The following UBE2E2 variants were observed in gnomAD, a reference collection of about 807,000 sequenced individuals.
UBE2E2 encodes the protein ubiquitin-conjugating enzyme E2 E2.
A neutral mutation model predicts 24.7 loss-of-function variants in UBE2E2; 6 were observed. That is an observed-to-expected ratio of 0.24 (90% CI 0.13 to 0.48). The LOEUF is 0.48. UBE2E2 is among the 20% of genes least tolerant of loss of function. UBE2E2 has a pLI of 0.99. For missense variants in UBE2E2, 169 were observed against 245.0 expected (o/e 0.69, Z 2.07); for synonymous variants, 104 against 83.6 (o/e 1.24, Z -1.33).
At chr3:23,444,987 C>T (rs1393948271) in intron 3 of UBE2E2, among the ~76,000 whole-genome samples, 1 of 152,172 alleles carries the variant, frequency 6.6e-6, no homozygotes, top group East Asian at 1.9e-4. Context: ...ACCCTGCCAC[C>T]AACTCTTTTA....
chr3:23,401,467 T>C (rs889769039), intron 3 of UBE2E2, among the ~76,000 whole-genome samples: 1 of 152,160 alleles, frequency 6.6e-6, no homozygotes, highest in Non-Finnish European at 1.5e-5. Context: ...ATCCGTTTGC[T>C]CAAGATCACC....
chr3:23,383,636 T>TTTTTG (rs1553607117), intron 3 of UBE2E2, among the ~76,000 whole-genome samples: 2 of 152,068 alleles, frequency 1.3e-5, no homozygotes, highest in African/African-American at 2.4e-5. Context: ...ACTGAGGTTT[T>TTTTTG]TTTTGTTTTG....
chr3:23,326,672 T>C (rs1307009361), intron 3 of UBE2E2, among the ~76,000 whole-genome samples: 5 of 152,004 alleles, frequency 3.3e-5, no homozygotes, highest in Non-Finnish European at 5.9e-5. Context: ...AGGTTTTTTG[T>C]TTGTTTGTTT....
intron 3 of UBE2E2, among the ~76,000 whole-genome samples, chr3:23,233,918 T>G (rs11708040): frequency 0.16 from 24,110 of 152,194 alleles, 2,050 homozygotes; most frequent in South Asian, 0.26. Flanking sequence ...AATTCAGGGT[T>G]TAAATAGCTT....
chr3:23,371,720 TA>T (rs1696403424), intron 3 of UBE2E2, among the ~76,000 whole-genome samples: 1 of 152,168 alleles, frequency 6.6e-6, no homozygotes, highest in South Asian at 2.1e-4. Context: ...ACCTTCTGAA[TA>T]ATAATAGAGA....
chr3:23,446,340 A>G (rs1410007445), intron 3 of UBE2E2, among the ~76,000 whole-genome samples: 1 of 152,144 alleles, frequency 6.6e-6, no homozygotes, highest in Non-Finnish European at 1.5e-5. Context: ...CATAACCCTT[A>G]ATTTTTGTGA....
At chr3:23,389,992 C>A (rs1696895588) in intron 3 of UBE2E2, 1 of 152,194 alleles carries the variant, frequency 6.6e-6, no homozygotes, top group African/African-American at 2.4e-5. Context: ...AACCCCAGTT[C>A]CTCATTGATC....
chr3:23,349,618 A>G (rs1445091060), intron 3 of UBE2E2, among the ~76,000 whole-genome samples: 1 of 152,182 alleles, frequency 6.6e-6, no homozygotes, highest in Non-Finnish European at 1.5e-5. Flanking sequence ...CGCCCACGGA[A>G]TCTCGCTGAT....
At chr3:23,302,340 T>G (rs1699120987) in intron 3 of UBE2E2, among the ~76,000 whole-genome samples, 2 of 152,254 alleles carry the variant, frequency 1.3e-5, no homozygotes, top group African/African-American at 4.8e-5. Flanking sequence ...AAATAGTTAT[T>G]ACTACAAGTT....
chr3:23,420,671 C>T (rs1697773832), intron 3 of UBE2E2, among the ~76,000 whole-genome samples: 1 of 152,190 alleles, frequency 6.6e-6, no homozygotes, highest in South Asian at 2.1e-4. Flanking sequence ...TACACCAGAA[C>T]CACTTGTAAA....
At chr3:23,236,759 A>C (rs935048209) in intron 3 of UBE2E2, among the ~76,000 whole-genome samples, 16 of 151,936 alleles carry the variant, frequency 1.1e-4, no homozygotes, top group African/African-American at 3.4e-4. Flanking sequence ...GCCTAAGTGT[A>C]CTCTTAAACA....
chr3:23,425,897 A>G (rs940858338), intron 3 of UBE2E2, among the ~76,000 whole-genome samples: 3 of 152,200 alleles, frequency 2.0e-5, no homozygotes, highest in African/African-American at 4.8e-5. Context: ...AAGAGACAGA[A>G]CAAGCAACAG....
chr3:23,325,774 G>A (rs1016383276), intron 3 of UBE2E2, among the ~76,000 whole-genome samples: 1 of 152,184 alleles, frequency 6.6e-6, no homozygotes, highest in Admixed American at 6.5e-5. Flanking sequence ...CTGACCTTCG[G>A]TCTAGTAGAG....
At chr3:23,588,411 T>G (rs56107888) in intron 5 of UBE2E2, among the ~76,000 whole-genome samples, 153 of 41,924 alleles carry the variant, frequency 3.6e-3, no homozygotes, top group African/African-American at 0.015. Context: ...TGTTTTTTTG[T>G]TTTTTTTTTT....
At chr3:23,310,722 A>G (rs1575552074) in intron 3 of UBE2E2, among the ~76,000 whole-genome samples, 1 of 152,168 alleles carries the variant, frequency 6.6e-6, no homozygotes, top group African/African-American at 2.4e-5. Flanking sequence ...CCCTGTCTCT[A>G]TAAAAGTACG....
chr3:23,364,175 G>T (rs1447036145), intron 3 of UBE2E2, among the ~76,000 whole-genome samples: 1 of 151,918 alleles, frequency 6.6e-6, no homozygotes, highest in Non-Finnish European at 1.5e-5. Flanking sequence ...AAAGTTAAAA[G>T]TTAAAAGGAT....
Position 23,208,773 on chromosome 3 carries a change from A to G in UBE2E2, c.74A>G (p.Glu25Gly), listed in dbSNP as rs772113054. 2 of 1,613,896 alleles carry G rather than the reference A, an allele frequency of 1.2e-6. No homozygotes were observed. The highest frequency in any genetic ancestry group is 1.7e-6 in the Non-Finnish European group (2 of 1,179,826). ...GGAAGTTCCGATGGAGATCAACGTG[A>G]AAGTGTTCAGCAAGAACCAGAAAGA... ...SGGSSDGDQRESVQQEPEREQ... is the reference protein window; with the variant it reads ...SGGSSDGDQRGSVQQEPEREQ... The change falls in exon 2 of 6, where the codon GAA becomes GGA. Residue 25 changes from glutamate to glycine, a missense_variant. Glu to Gly is a moderately conservative substitution (Grantham distance 98). Transcript: ENST00000396703.
At chr3:23,530,915 T>C (rs563921053) in intron 4 of UBE2E2, among the ~76,000 whole-genome samples, 1 of 152,274 alleles carries the variant, frequency 6.6e-6, no homozygotes, top group Non-Finnish European at 1.5e-5. Context: ...TTGTTGCGCT[T>C]ACTATAATTT....
chr3:23,369,374 T>C (rs967549082), intron 3 of UBE2E2, among the ~76,000 whole-genome samples: 3 of 152,186 alleles, frequency 2.0e-5, no homozygotes, highest in African/African-American at 7.2e-5. Flanking sequence ...AATAATACAT[T>C]TCTCATGTAT....
Sources: allele counts gnomAD v4.1 joint callset (sites outside exome capture counted in the v4.1 genomes callset), GRCh38; gene constraint gnomAD v4.1.1; transcripts MANE v1.5; gene names NCBI Gene and HGNC (gene_info 2026-07-23, HGNC 2026-07-21).